Variants in PXDNL observed in about 807,000 individuals in gnomAD.
PXDNL encodes the protein peroxidasin like, also known as probable oxidoreductase PXDNL.
PXDNL carries 145 observed loss-of-function variants against 150.8 expected under a neutral mutation model. That is an observed-to-expected ratio of 0.96 (90% CI 0.84 to 1.10). The LOEUF (loss-of-function observed/expected upper bound fraction) is 1.10. PXDNL is among the 50% of genes least tolerant of loss of function. The pLI is 0.00. For synonymous variants in PXDNL, 757 were observed against 725.7 expected, an observed-to-expected ratio of 1.04 and a Z score of -0.69; for missense variants, 2,087 against 1,873.9, an observed-to-expected ratio of 1.11 and a Z score of -2.10.
At chr8:51,405,001 C>A (rs892691571) in intron 17 of PXDNL, among the ~76,000 whole-genome samples, 1 of 152,190 alleles carries the variant, frequency 6.6e-6, no homozygotes, top group Non-Finnish European at 1.5e-5. Context: ...TGGGAGAATT[C>A]GAGCTCAGCA....
At chr8:51,664,290 CA>C (rs1815335810) in intron 1 of PXDNL, among the ~76,000 whole-genome samples, 1 of 152,042 alleles carries the variant, frequency 6.6e-6, no homozygotes, top group Non-Finnish European at 1.5e-5. Context: ...TACACAAAAC[CA>C]AAGCATAACC....
At chr8:51,581,014 C>T (rs1813199754) in intron 3 of PXDNL, among the ~76,000 whole-genome samples, 1 of 152,118 alleles carries the variant, frequency 6.6e-6, no homozygotes, top group Non-Finnish European at 1.5e-5. Context: ...CACTATGGAC[C>T]TTACCCTAGT....
chr8:51,409,242 G>A lies in PXDNL; in HGVS notation c.2382C>T (p.Thr794=), dbSNP rs369170887. The change falls in exon 17 of 23, where the codon ACC becomes ACT. Residue 794 remains threonine (T), a synonymous_variant. Coordinates refer to ENST00000356297, the MANE Select transcript of PXDNL (RefSeq NM_144651.5). The stretch of plus-strand genomic sequence containing the variant: ...GCATGCGCGTGTAGCTGTGGTCGGG[G>A]GTGACGGCCGCCGCGCGCGCCCACA... The part of the protein sequence containing the change: ...ATVWARAAAV[T]PDHSYTRMLM... 1,569 of 1,520,740 alleles carry A rather than the reference G, an allele frequency of 1.0e-3. 1 individual carries two copies. The highest frequency in any genetic ancestry group is 1.3e-3 in the Non-Finnish European group (1,425 of 1,138,382). 94.2% of individuals were successfully genotyped at this position (1,520,740 alleles called of 1,614,324 possible).
chr8:51,339,043 A>G (rs1315106648), intron 21 of PXDNL, among the ~76,000 whole-genome samples: 4 of 152,238 alleles, frequency 2.6e-5, no homozygotes, highest in Non-Finnish European at 5.9e-5. Context: ...AGCAGCAAGC[A>G]GAGCCAGTGC....
intron 6 of PXDNL, among the ~76,000 whole-genome samples, chr8:51,479,932 C>T (rs561622612): frequency 1.3e-5 from 2 of 152,028 alleles, no homozygotes; most frequent in Non-Finnish European, 2.9e-5. Context: ...TGGATACAAT[C>T]AAAGAACACC....
At chr8:51,802,129 C>T (rs1022891342) in intron 1 of PXDNL, among the ~76,000 whole-genome samples, 2 of 150,224 alleles carry the variant, frequency 1.3e-5, no homozygotes, top group African/African-American at 4.9e-5. Flanking sequence ...AGTTAGTAGA[C>T]AGGAATTTTT....
At chr8:51,657,179 A>G (rs1815169120) in intron 1 of PXDNL, among the ~76,000 whole-genome samples, 1 of 152,214 alleles carries the variant, frequency 6.6e-6, no homozygotes, top group African/African-American at 2.4e-5. Context: ...AATGTTGACT[A>G]TCTCATGCAA....
At chr8:51,781,258 G>C (rs1230937955) in intron 1 of PXDNL, among the ~76,000 whole-genome samples, 1 of 152,174 alleles carries the variant, frequency 6.6e-6, no homozygotes, top group Non-Finnish European at 1.5e-5. Context: ...CGGAGAGGAA[G>C]CATGCAGCCT....
intron 8 of PXDNL, among the ~76,000 whole-genome samples, chr8:51,464,485 GAAAA>G (rs1395706648): frequency 1.3e-5 from 2 of 151,832 alleles, no homozygotes; most frequent in Non-Finnish European, 2.9e-5. Context: ...GATTAACAAA[GAAAA>G]AAAGAGAGAT....
intron 6 of PXDNL, among the ~76,000 whole-genome samples, chr8:51,477,384 A>G (rs954942499): frequency 6.6e-6 from 1 of 152,218 alleles, no homozygotes; most frequent in Non-Finnish European, 1.5e-5. Flanking sequence ...AGCCATGGCT[A>G]AAGTAGGGAA....
At chr8:51,321,945 G>T (rs1047445662) in intron 21 of PXDNL, among the ~76,000 whole-genome samples, 1 of 130,658 alleles carries the variant, frequency 7.7e-6, no homozygotes, top group Non-Finnish European at 1.6e-5. Flanking sequence ...TGGGCATAGG[G>T]CCTCGAAGGA....
chr8:51,583,930 A>T (rs1333409125), intron 3 of PXDNL, among the ~76,000 whole-genome samples: 1 of 152,220 alleles, frequency 6.6e-6, no homozygotes, highest in Non-Finnish European at 1.5e-5. Flanking sequence ...AGATAGACGT[A>T]TAGGAAGGCT....
intron 3 of PXDNL, among the ~76,000 whole-genome samples, chr8:51,573,842 G>A (rs1812995690): frequency 6.6e-6 from 1 of 151,826 alleles, no homozygotes; most frequent in Non-Finnish European, 1.5e-5. Flanking sequence ...AGAAATTAAG[G>A]TAAAACAAGG....
chr8:51,320,895 T>C lies in PXDNL; in HGVS notation c.4149A>G (p.Ile1383Met). The C allele has an allele frequency of 2.5e-6, 4 of 1,610,366 alleles. No individual in the cohort carries two copies. Among genetic ancestry groups the C allele is most frequent in the Non-Finnish European group, 2.5e-6 (3 of 1,176,946 alleles). ...GCCTCAGGCGTGCCTCCAGCTTGTTTATCTGAAAGGGGAGGCAAAGGAAAG... is the reference window on the plus strand; with the variant it reads ...GCCTCAGGCGTGCCTCCAGCTTGTTCATCTGAAAGGGGAGGCAAAGGAAAG... ...QETITALREQ[I>M]NKLEARLRQA... is the part of the protein sequence containing the mutation. The change falls in exon 22 of 23, where the codon ATA becomes ATG. Residue 1383 changes from isoleucine (I) to methionine (M), a missense_variant and splice_region_variant. By Grantham distance (10) the Ile-to-Met change is conservative. Transcript: ENST00000356297.
intron 19 of PXDNL, among the ~76,000 whole-genome samples, chr8:51,358,902 A>C (rs1806616041): frequency 6.6e-6 from 1 of 152,208 alleles, no homozygotes; most frequent in Non-Finnish European, 1.5e-5. Flanking sequence ...AACCACGCCC[A>C]GCCCTGCTCA....
chr8:51,376,853 G>A (rs1223449832), intron 17 of PXDNL, among the ~76,000 whole-genome samples: 1 of 151,584 alleles, frequency 6.6e-6, no homozygotes, highest in Non-Finnish European at 1.5e-5. Flanking sequence ...CGAGTAGCTG[G>A]GACTACAGGC....
At chr8:51,334,120 C>CAGGT (rs879754719) in intron 21 of PXDNL, among the ~76,000 whole-genome samples, 1 of 151,402 alleles carries the variant, frequency 6.6e-6, no homozygotes, top group African/African-American at 2.4e-5. Flanking sequence ...ATCAAGCATT[C>CAGGT]TCGCAGACCA....
intron 17 of PXDNL, among the ~76,000 whole-genome samples, chr8:51,406,891 T>A (rs1808451200): frequency 6.6e-6 from 1 of 152,212 alleles, no homozygotes; most frequent in Non-Finnish European, 1.5e-5. Flanking sequence ...TATCGTAATG[T>A]CCCTGACAAC....
intron 4 of PXDNL, among the ~76,000 whole-genome samples, chr8:51,520,886 C>A (rs2130382857): frequency 6.6e-6 from 1 of 152,244 alleles, no homozygotes; most frequent in Admixed American, 6.5e-5. Context: ...CCAGACCCAA[C>A]ATGACCAAGA....
Sources: gnomAD v4.1 joint callset for allele counts (sites outside exome capture counted in the v4.1 genomes callset) on GRCh38, gnomAD v4.1.1 for gene constraint, MANE v1.5 for transcripts, NCBI Gene and HGNC (gene_info 2026-07-23, HGNC 2026-07-21) for gene names.